Variants in ACTN4 observed in about 807,000 individuals in gnomAD.
ACTN4 encodes the protein actinin alpha 4, also known as alpha-actinin-4.
ACTN4 carries 18 observed loss-of-function variants against 114.2 expected under a neutral mutation model. The ratio of observed to expected loss-of-function variants is 0.16; its 90% CI spans 0.11 to 0.23. The LOEUF is 0.23. Ranked by LOEUF, ACTN4 falls within the 10% of genes least tolerant of loss-of-function variation. ACTN4 has a pLI of 1.00. For missense variants in ACTN4, 722 were observed against 1,262.9 expected (o/e 0.57, Z 6.49); for synonymous variants, 515 against 506.3 (o/e 1.02, Z -0.23).
intron 1 of ACTN4, among the ~76,000 whole-genome samples, chr19:38,673,187 C>T (rs1967186925): frequency 6.6e-6 from 1 of 151,350 alleles, no homozygotes. Context: ...AGGTGATCCC[C>T]CCACCTCAGC....
chr19:38,695,102 T>A (rs544548465), intron 1 of ACTN4, among the ~76,000 whole-genome samples: 1 of 152,206 alleles, frequency 6.6e-6, no homozygotes, highest in Non-Finnish European at 1.5e-5. Flanking sequence ...CTCAAACTCC[T>A]GTGCTAAAGC....
Position 38,729,266 on chromosome 19 carries a change from T to TGCCC in ACTN4, c.2578-7_2578-4dup, listed in dbSNP as rs753424810. ...GGATGGCTCAGAGTCCCATCCTGCC[T>TGCCC]GCCCCAGAACTTCATCACAGCTGAG... is the stretch of plus-strand genomic sequence containing the variant. On this transcript the variant is annotated splice_polypyrimidine_tract_variant and splice_region_variant and intron_variant, in intron 20 of 20. Transcript: ENST00000252699. The TGCCC allele has an allele frequency of 3.1e-6, 5 of 1,612,604 alleles. No individual in the cohort carries two copies. The highest frequency in any genetic ancestry group is 4.2e-6 in the Non-Finnish European group (5 of 1,179,960).
In ACTN4 at chr19:38,731,222, G is replaced by C; in HGVS notation, c.*1790G>C. On this transcript the variant is annotated 3_prime_UTR_variant, in exon 21 of 21. Coordinates refer to ENST00000252699, the MANE Select transcript of ACTN4 (RefSeq NM_004924.6). The stretch of plus-strand genomic sequence containing the variant: ...GGGTCAGCTGGTTGTTCAGGTGGAA[G>C]CCTAGGGGGAGGCTGCTTCTGAGCC... The C allele has an allele frequency of 6.2e-7, 1 of 1,612,170 alleles. No homozygotes were observed. The highest frequency in any genetic ancestry group is 8.5e-7 in the Non-Finnish European group (1 of 1,179,696).
chr19:38,701,325 A>T (rs1233076946), intron 3 of ACTN4, among the ~76,000 whole-genome samples: 1 of 152,134 alleles, frequency 6.6e-6, no homozygotes, highest in African/African-American at 2.4e-5. Context: ...CCTTGGAAAA[A>T]TCCGGTGGGC....
chr19:38,658,383 G>A (rs1302591190), intron 1 of ACTN4, among the ~76,000 whole-genome samples: 1 of 152,038 alleles, frequency 6.6e-6, no homozygotes, highest in Non-Finnish European at 1.5e-5. Flanking sequence ...AAATTAAAAA[G>A]AACTCTAAAT....
intron 1 of ACTN4, among the ~76,000 whole-genome samples, chr19:38,696,425 T>C (rs888037956): frequency 6.6e-6 from 1 of 152,040 alleles, no homozygotes; most frequent in African/African-American, 2.4e-5. Flanking sequence ...CCCCCATCTA[T>C]AGAAACCACC....
intron 1 of ACTN4, among the ~76,000 whole-genome samples, chr19:38,659,021 A>G (rs540602654): frequency 6.8e-6 from 1 of 147,466 alleles, no homozygotes; most frequent in African/African-American, 2.5e-5. Flanking sequence ...TTTTTGAACT[A>G]ATTTTCCCTT....
intron 1 of ACTN4, among the ~76,000 whole-genome samples, chr19:38,678,749 A>G (rs1462240990): frequency 6.6e-6 from 1 of 152,074 alleles, no homozygotes; most frequent in South Asian, 2.1e-4. Context: ...GTGGTGACCA[A>G]TCCCGTGGAA....
At chr19:38,714,054 G>C (rs117849076) in intron 8 of ACTN4, among the ~76,000 whole-genome samples, 3,812 of 152,278 alleles carry the variant, frequency 0.025, 79 homozygotes, top group Admixed American at 0.06. Flanking sequence ...TCCGGGACCC[G>C]GGCGCCCCTG....
chr19:38,660,206 G>C (rs558341391), intron 1 of ACTN4, among the ~76,000 whole-genome samples: 54 of 152,252 alleles, frequency 3.5e-4, no homozygotes, highest in African/African-American at 1.2e-3. Context: ...ACAGGCATGG[G>C]CCACCGCCCC....
chr19:38,654,973 CT>C (rs1309314898), intron 1 of ACTN4, among the ~76,000 whole-genome samples: 2 of 152,142 alleles, frequency 1.3e-5, no homozygotes, highest in Non-Finnish European at 2.9e-5. Flanking sequence ...GTTGTGCTGG[CT>C]CCTTCCTTCC....
At position 38,659,065 on chromosome 19, in the gene ACTN4, C is replaced by CTTTCTTTTTT. The variant is rs1555822757; in HGVS notation, c.162+11161_162+11162insCTTTTTTTTT. Among the ~76,000 whole-genome samples the CTTTCTTTTTT allele has an allele frequency of 4.7e-4, 53 of 111,692 alleles. No individual in the cohort carries two copies. The East Asian group carries it at 5.6e-3, about 12-fold the overall frequency. 73.3% of individuals were successfully genotyped at this position (111,692 alleles called of 152,430 possible). A position where few individuals can be genotyped will look rare whatever the true frequency, so the allele number is the denominator to read the frequency against. ...TAACTTTTTTTTCTTCTTTTCTTTT[C>CTTTCTTTTTT]TTTTTTTTTTTTTGAGACGGAGTCT... On this transcript the variant is annotated intron_variant, in intron 1 of 20. Coordinates refer to ENST00000252699, the MANE Select transcript of ACTN4 (RefSeq NM_004924.6).
intron 1 of ACTN4, among the ~76,000 whole-genome samples, chr19:38,686,289 A>G (rs1967739476): frequency 6.6e-6 from 1 of 152,238 alleles, no homozygotes; most frequent in Admixed American, 6.5e-5. Flanking sequence ...CTAAGATTCC[A>G]GGCCACACTG....
At chr19:38,726,829 T>C in intron 17 of ACTN4, 128 bp from the exon 18 acceptor site, 1 of 1,401,964 alleles carries the variant, frequency 7.1e-7, no homozygotes, top group Non-Finnish European at 9.7e-7. Flanking sequence ...CCGTGTCCCC[T>C]GTGAGGTGTA....
chr19:38,655,741 T>C (rs955822030), intron 1 of ACTN4, among the ~76,000 whole-genome samples: 1 of 152,198 alleles, frequency 6.6e-6, no homozygotes, highest in Non-Finnish European at 1.5e-5. Context: ...CTGTGGGGGA[T>C]TGGTTCCAGG....
At chr19:38,702,555 G>A (rs1968315457) in intron 3 of ACTN4, among the ~76,000 whole-genome samples, 1 of 152,188 alleles carries the variant, frequency 6.6e-6, no homozygotes, top group East Asian at 1.9e-4. Context: ...TTGCTGAGCC[G>A]GGGAGCTGCG....
intron 1 of ACTN4, among the ~76,000 whole-genome samples, chr19:38,698,992 A>G (rs1968181654): frequency 6.6e-6 from 1 of 152,082 alleles, no homozygotes; most frequent in Non-Finnish European, 1.5e-5. Context: ...GGGGCGTGGA[A>G]TGTGCTCTTG....
chr19:38,707,901 A>T (rs1006486771), intron 5 of ACTN4, among the ~76,000 whole-genome samples: 4 of 152,190 alleles, frequency 2.6e-5, no homozygotes, highest in African/African-American at 9.6e-5. Flanking sequence ...CCGAGGTCAC[A>T]CTGTCAGTAG....
intron 5 of ACTN4, among the ~76,000 whole-genome samples, chr19:38,706,619 A>G (rs1216881375): frequency 6.6e-6 from 1 of 152,030 alleles, no homozygotes; most frequent in Non-Finnish European, 1.5e-5. Context: ...GGGTCTCCCT[A>G]TGTTGCCCAG....
Sources: allele counts gnomAD v4.1 joint callset (sites outside exome capture counted in the v4.1 genomes callset), GRCh38; gene constraint gnomAD v4.1.1; transcripts MANE v1.5; gene names NCBI Gene and HGNC (gene_info 2026-07-23, HGNC 2026-07-21).